Variants in GMDS observed in about 807,000 individuals in gnomAD.
The protein encoded by GMDS is GDP-mannose 4,6 dehydratase.
Under a neutral mutation model 49.9 loss-of-function variants are expected in GMDS, and 20 were observed. The observed-to-expected ratio is 0.40, with a 90% CI of 0.28 to 0.58. The LOEUF (loss-of-function observed/expected upper bound fraction) is 0.58. Among genes scored for constraint, GMDS ranks in the 20% least tolerant of loss-of-function variants. GMDS has a pLI of 0.42. For synonymous variants in GMDS, 177 were observed against 178.6 expected (o/e 0.99, Z 0.07); for missense variants, 362 against 481.4 (o/e 0.75, Z 2.32).
At chr6:1,940,313 T>C (rs964276379) in intron 6 of GMDS, among the ~76,000 whole-genome samples, 5 of 152,270 alleles carry the variant, frequency 3.3e-5, no homozygotes, top group African/African-American at 1.2e-4. Context: ...GATTTAAAGA[T>C]TTTTTTGGAG....
rs116514423 is a variant in GMDS, at chr6:2,003,863, T to C, written c.346-42897A>G. On this transcript the variant is annotated intron_variant, in intron 4 of 10. Coordinates refer to ENST00000380815, the MANE Select transcript of GMDS (RefSeq NM_001500.4). ...CCTGTTTATTATGTCCCTTTTCCAA[T>C]GCTGTCTTTGCCCAAGACAGCTATT... 6.5e-3 allele frequency among the ~76,000 whole-genome samples: 997 copies of C among 152,294 alleles called. 10 individuals carry two copies. The highest frequency in any genetic ancestry group is 0.023 in the African/African-American group (936 of 41,580).
rs70992103 is a variant in GMDS at position 1,798,237 on chromosome 6, GCACACACACACACACA to G, written c.772-55667_772-55652del. On this transcript the variant is annotated intron_variant, in intron 7 of 10. Coordinates refer to ENST00000380815, the MANE Select transcript of GMDS (RefSeq NM_001500.4). ...GTATAAATTTACTTCTAATTACAGA[GCACACACACACACACA>G]CACACACACACACACACACACACAC... Among the ~76,000 whole-genome samples the G allele has an allele frequency of 4.6e-3, 661 of 143,444 alleles. 2 individuals carry two copies. Among genetic ancestry groups the G allele is most frequent in the African/African-American group, 0.014 (562 of 39,180 alleles). The allele number at this position is 143,444 out of a possible 152,430, so 94.1% of individuals were successfully genotyped here.
At chr6:2,175,822 A>T (rs189686901) in intron 1 of GMDS, 5 of 667,576 alleles carry the variant, frequency 7.5e-6, no homozygotes, top group Non-Finnish European at 1.4e-5. Flanking sequence ...AACATGTTGT[A>T]AGCACCTTAT....
intron 9 of GMDS, among the ~76,000 whole-genome samples, chr6:1,642,469 A>G (rs570668401): frequency 6.6e-6 from 1 of 152,238 alleles, no homozygotes; most frequent in East Asian, 1.9e-4. Context: ...ACACCCGGCC[A>G]GTTTCCGTCT....
intron 1 of GMDS, among the ~76,000 whole-genome samples, chr6:2,212,501 G>A (rs1263833596): frequency 6.6e-6 from 1 of 152,032 alleles, no homozygotes; most frequent in Non-Finnish European, 1.5e-5. Flanking sequence ...CAAGTTATAG[G>A]ATATTCCTTA....
chr6:1,699,507 T>C (rs1581475427), intron 9 of GMDS, among the ~76,000 whole-genome samples: 1 of 152,120 alleles, frequency 6.6e-6, no homozygotes, highest in Admixed American at 6.5e-5. Flanking sequence ...TGGGCAGGGC[T>C]GGCTGCCTCT....
At chr6:1,972,658 A>G (rs1277311160) in intron 4 of GMDS, among the ~76,000 whole-genome samples, 1 of 152,208 alleles carries the variant, frequency 6.6e-6, no homozygotes, top group African/African-American at 2.4e-5. Flanking sequence ...GTTCCCTTCT[A>G]TTTTGAATGT....
At chr6:2,168,987 T>G (rs1438489134) in intron 1 of GMDS, among the ~76,000 whole-genome samples, 9 of 152,186 alleles carry the variant, frequency 5.9e-5, no homozygotes, top group Non-Finnish European at 8.8e-5. Context: ...ATACTGAAAG[T>G]TTAAAGTCAT....
At chr6:1,821,909 C>T (rs764250591) in intron 7 of GMDS, among the ~76,000 whole-genome samples, 2 of 151,914 alleles carry the variant, frequency 1.3e-5, no homozygotes, top group Non-Finnish European at 2.9e-5. Flanking sequence ...GGTATGCAAA[C>T]TATTGTCTAT....
rs899590414 is a variant in GMDS at position 1,778,757 on chromosome 6, T to C, written c.772-36171A>G. Reference sequence around the variant, plus strand: ...CCTGCTGACGTTTGCAGCTCAGACCTCAAAGCTCGTCGACAGCAGCAGCCT... The same window carrying C: ...CCTGCTGACGTTTGCAGCTCAGACCCCAAAGCTCGTCGACAGCAGCAGCCT... On this transcript the variant is annotated intron_variant, in intron 7 of 10. Transcript: ENST00000380815. This position sits in a 1 kb window ranked among gnomAD's most constrained non-coding sequence, Gnocchi z 4.6. Among the ~76,000 whole-genome samples the C allele has an allele frequency of 1.3e-5, 2 of 151,980 alleles. No homozygotes were observed. Among genetic ancestry groups the C allele is most frequent in the Non-Finnish European group, 2.9e-5 (2 of 68,012 alleles).
intron 1 of GMDS, among the ~76,000 whole-genome samples, chr6:2,225,152 T>C (rs1290243533): frequency 6.7e-6 from 1 of 149,664 alleles, no homozygotes; most frequent in Non-Finnish European, 1.5e-5. Flanking sequence ...AAACCTCGTT[T>C]CTATAAAAAA....
At chr6:1,827,318 C>T (rs1771168636) in intron 7 of GMDS, among the ~76,000 whole-genome samples, 1 of 151,370 alleles carries the variant, frequency 6.6e-6, no homozygotes, top group Non-Finnish European at 1.5e-5. Flanking sequence ...CCTGTATATA[C>T]ACACGTTTTA....
At chr6:2,041,858 A>T (rs9378672) in intron 4 of GMDS, among the ~76,000 whole-genome samples, 34,839 of 152,240 alleles carry the variant, frequency 0.23, 4,155 homozygotes, top group Non-Finnish European at 0.25. Context: ...AAGTGGAGAT[A>T]AAGTAAACAA....
chr6:1,723,249 C>T (rs1392409729), intron 9 of GMDS, among the ~76,000 whole-genome samples: 1 of 151,222 alleles, frequency 6.6e-6, no homozygotes, highest in South Asian at 2.1e-4. Flanking sequence ...AGCTCTATTT[C>T]CCTTTAGTCT....
chr6:2,015,756 C>T (rs1301073138), intron 4 of GMDS, among the ~76,000 whole-genome samples: 1 of 152,268 alleles, frequency 6.6e-6, no homozygotes, highest in African/African-American at 2.4e-5. Context: ...ATGTCTTCTA[C>T]CCACAAATTT....
intron 9 of GMDS, among the ~76,000 whole-genome samples, chr6:1,708,659 TA>T (rs1765830116): frequency 1.3e-5 from 2 of 152,222 alleles, no homozygotes; most frequent in South Asian, 4.1e-4. Context: ...CCTTTTGAAT[TA>T]AAATCTCATA....
chr6:1,773,194 CTTTT>C (rs535227437), intron 7 of GMDS, among the ~76,000 whole-genome samples: 13 of 143,510 alleles, frequency 9.1e-5, no homozygotes, highest in African/African-American at 3.1e-4. Context: ...AGAGGGTCCT[CTTTT>C]TTTTTTTTTT....
intron 4 of GMDS, among the ~76,000 whole-genome samples, chr6:2,058,326 C>T (rs1267733783): frequency 8.2e-6 from 1 of 122,692 alleles, no homozygotes; most frequent in South Asian, 2.5e-4. Flanking sequence ...GCCTATGTGA[C>T]AGAGTAAGAC....
At chr6:2,128,176 CTTT>C (rs142248059) in intron 1 of GMDS, among the ~76,000 whole-genome samples, 8 of 139,772 alleles carry the variant, frequency 5.7e-5, no homozygotes, top group Non-Finnish European at 4.7e-5. Flanking sequence ...AAATATTTTC[CTTT>C]TTTTTTTTTT....
Sources: allele counts gnomAD v4.1 joint callset (sites outside exome capture counted in the v4.1 genomes callset), GRCh38; gene constraint gnomAD v4.1.1; non-coding constraint Gnocchi (gnomAD v3.1); transcripts MANE v1.5; gene names NCBI Gene and HGNC (gene_info 2026-07-23, HGNC 2026-07-21).